The following CCN6 variants were observed in gnomAD, a reference collection of about 807,000 sequenced individuals.
The protein encoded by CCN6 is CCN family member 6.
Under a neutral mutation model 37.4 loss-of-function variants are expected in CCN6, and 31 were observed. That is an observed-to-expected ratio of 0.83 (90% CI 0.62 to 1.12). CCN6 has a LOEUF of 1.12. Among genes scored for constraint, CCN6 ranks in the 50% most tolerant of loss-of-function variants. The pLI is 0.00. For missense variants in CCN6, 369 were observed against 413.8 expected (o/e 0.89, Z 0.94); for synonymous variants, 137 against 142.1 (o/e 0.96, Z 0.26).
At position 112,061,187 on chromosome 6, in the gene CCN6, C is replaced by T; in HGVS notation, c.245C>T (p.Pro82Leu). The T allele has an allele frequency of 6.2e-7, 1 of 1,614,118 alleles. No individual in the cohort carries two copies. The highest frequency in any genetic ancestry group is 8.5e-7 in the Non-Finnish European group (1 of 1,180,020). ...CGCCKICAKQ[P>L]GEICNEADLC... is the part of the protein sequence containing the mutation. Reference sequence around the variant, plus strand: ...TGCTGTAAAATCTGTGCCAAGCAACCAGGGGAAATCTGCAATGAAGCTGAC... The same window carrying T: ...TGCTGTAAAATCTGTGCCAAGCAACTAGGGGAAATCTGCAATGAAGCTGAC... Residue 82 changes from proline (P) to leucine (L), a missense_variant, in exon 2 of 5, where the codon CCA becomes CTA. Physicochemically the swap from Pro to Leu is moderately conservative, Grantham distance 98. Transcript: ENST00000368666.
rs782020862 is a variant in CCN6, at chr6:112,068,398, G to A, written c.783G>A (p.Lys261=). The stretch of plus-strand genomic sequence containing the variant: ...ACAGCAATATATTAAAGACAATAAA[G>A]GTAAAGTTTAAATATATTTAACTTA... ...PCDSNILKTI[K]IPKGKTCQPT... is the part of the protein sequence containing the mutation. The change falls in exon 4 of 5, where the codon AAG becomes AAA. Residue 261 remains lysine (K), a splice_region_variant and synonymous_variant. Coordinates refer to ENST00000368666, the MANE Select transcript of CCN6 (RefSeq NM_198239.2). The A allele has an allele frequency of 2.5e-6, 4 of 1,605,586 alleles. No individual in the cohort carries two copies. The highest frequency in any genetic ancestry group is 3.3e-4 in the Middle Eastern group (2 of 6,038).
At position 112,054,235 on chromosome 6, in the gene CCN6, G is replaced by A; in HGVS notation, c.-123G>A. ...AAGTTGGTAGTGTGGGAGGTAGAGG[G>A]TGTGTGTTCTTGTGCAGAGGAGCGT... On this transcript the variant is annotated 5_prime_UTR_variant, in exon 1 of 5. The change creates a new upstream start codon in the 5' untranslated region. Coordinates refer to ENST00000368666, the MANE Select transcript of CCN6 (RefSeq NM_198239.2). 1 of 1,301,186 alleles carries A rather than the reference G, an allele frequency of 7.7e-7. No individual in the cohort carries two copies. Among genetic ancestry groups the A allele is most frequent in the East Asian group, 2.3e-5 (1 of 43,336 alleles). The allele number at this position is 1,301,186 out of a possible 1,614,324, so 80.6% of individuals were successfully genotyped here.
At chr6:112,054,773 C>T (rs1434727648) in intron 1 of CCN6, 27 of 246,490 alleles carry the variant, frequency 1.1e-4, no homozygotes, top group African/African-American at 5.3e-4. Flanking sequence ...CTTTCCATTG[C>T]TGTTTGCAAA....
intron 2 of CCN6, 38 bp downstream of exon 2, chr6:112,061,326 G>A: frequency 6.2e-7 from 1 of 1,613,926 alleles, no homozygotes; most frequent in Non-Finnish European, 8.5e-7. Context: ...AAAAGATTGA[G>A]TCTAGACAGA....
intron 3 of CCN6, 46 bp from the exon 4 acceptor site, chr6:112,068,159 A>C: frequency 1.4e-6 from 2 of 1,388,972 alleles, no homozygotes; most frequent in Non-Finnish European, 2.0e-6. Flanking sequence ...TATTTATACA[A>C]GTACATTTAT....
chr6:112,053,993 C>A, upstream of CCN6: 1 of 437,308 alleles, frequency 2.3e-6, no homozygotes, highest in Non-Finnish European at 4.3e-6. Context: ...CGTGGGACCC[C>A]ACCCGTTGTC....
chr6:112,055,428 C>G (rs1776318691), intron 1 of CCN6, among the ~76,000 whole-genome samples: 2 of 152,092 alleles, frequency 1.3e-5, no homozygotes, highest in African/African-American at 4.8e-5. Flanking sequence ...AAATAAACAA[C>G]AACAAACACA....
At chr6:112,060,900 G>A in intron 1 of CCN6, 91 bp from the exon 2 acceptor site, 2 of 1,466,940 alleles carry the variant, frequency 1.4e-6, no homozygotes, top group Non-Finnish European at 1.9e-6. Flanking sequence ...TCACCACTCT[G>A]TATACTACCT....
intron 3 of CCN6, among the ~76,000 whole-genome samples, chr6:112,067,649 G>A (rs1256180348): frequency 6.6e-6 from 1 of 152,100 alleles, no homozygotes; most frequent in Non-Finnish European, 1.5e-5. Context: ...CTATATAAAT[G>A]ATTAGTTTAG....
chr6:112,056,371 AT>A (rs1360806764), intron 1 of CCN6, among the ~76,000 whole-genome samples: 139 of 147,478 alleles, frequency 9.4e-4, no homozygotes, highest in South Asian at 2.8e-3. Context: ...GATTGACAGG[AT>A]TTTTTTTTTT....
chr6:112,069,469 G>C lies in CCN6; in HGVS notation c.914G>C (p.Cys305Ser). The change falls in exon 5 of 5, where the codon TGT (cysteine) becomes TCT (serine). Residue 305 changes from cysteine (C) to serine (S), a missense_variant. Cys to Ser is a moderately radical substitution (Grantham distance 112). Transcript: ENST00000368666. ...FCGICLDKRC[C>S]IPNKSKMITI... ...GGAATATGCTTGGATAAGAGATGCT[G>C]TATCCCTAATAAGTCTAAAATGATT... 6.8e-6 allele frequency: 11 copies of C among 1,613,740 alleles called. No homozygotes were observed. Among genetic ancestry groups the C allele is most frequent in the Non-Finnish European group, 9.3e-6 (11 of 1,179,860 alleles).
At chr6:112,065,610 G>GCA (rs782694395) in intron 3 of CCN6, among the ~76,000 whole-genome samples, 38,131 of 138,970 alleles carry the variant, frequency 0.27, 5,080 homozygotes, top group African/African-American at 0.34. Context: ...AAACACACAC[G>GCA]CACACACACA....
intron 3 of CCN6, among the ~76,000 whole-genome samples, chr6:112,067,451 A>G (rs868952087): frequency 1.6e-4 from 24 of 151,880 alleles, no homozygotes; most frequent in Admixed American, 1.2e-3. Flanking sequence ...TTCCCCTCCT[A>G]TTTCTCCTTA....
upstream of CCN6, among the ~76,000 whole-genome samples, chr6:112,053,183 T>C (rs1317322466): frequency 2.6e-5 from 4 of 151,794 alleles, no homozygotes; most frequent in Admixed American, 2.0e-4. Context: ...GCTGAGAACA[T>C]GGAGAAGCGA....
Position 112,060,995 on chromosome 6 carries a change from G to A in CCN6, c.53G>A (p.Cys18Tyr). The A allele has an allele frequency of 1.9e-6, 3 of 1,613,990 alleles. No homozygotes were observed. The highest frequency in any genetic ancestry group is 2.5e-6 in the Non-Finnish European group (3 of 1,180,004). Residue 18 changes from cysteine to tyrosine, a missense_variant, in exon 2 of 5, where the codon TGC becomes TAC. Transcript: ENST00000368666. ...CACCTTTATTATCAAATGAAGTTCT[G>A]CTGCAGGGTACAGGGCACTGGACCA... ...TLLLAGLAQF[C>Y]CRVQGTGPLD...
intron 1 of CCN6, among the ~76,000 whole-genome samples, chr6:112,056,632 C>A (rs1372255793): frequency 1.3e-5 from 2 of 152,174 alleles, no homozygotes; most frequent in African/African-American, 4.8e-5. Flanking sequence ...TCTCCTGTCT[C>A]AGCCTCCTGA....
intron 3 of CCN6, among the ~76,000 whole-genome samples, chr6:112,065,785 G>A (rs1776680820): frequency 6.6e-6 from 1 of 152,084 alleles, no homozygotes; most frequent in African/African-American, 2.4e-5. Flanking sequence ...TATAAACCTT[G>A]TATTCTGGTC....
Position 112,054,117 on chromosome 6 carries a change from G to A in CCN6, c.-241G>A. The A allele has an allele frequency of 1.5e-6, 1 of 678,776 alleles. No individual in the cohort carries two copies. Among genetic ancestry groups the A allele is most frequent in the South Asian group, 1.6e-5 (1 of 60,738 alleles). 42.0% of individuals were successfully genotyped at this position (678,776 alleles called of 1,614,324 possible). A position where few individuals can be genotyped will look rare whatever the true frequency, so the allele number is the denominator to read the frequency against. ...AAGTGCTCGCCCATTCCTGACCTGTGACACGCTCACTGCGAAGGCAGGTTA... is the reference window on the plus strand; with the variant it reads ...AAGTGCTCGCCCATTCCTGACCTGTAACACGCTCACTGCGAAGGCAGGTTA... On this transcript the variant is annotated 5_prime_UTR_variant, in exon 1 of 5. Coordinates refer to ENST00000368666, the MANE Select transcript of CCN6 (RefSeq NM_198239.2).
intron 2 of CCN6, among the ~76,000 whole-genome samples, chr6:112,061,911 A>G (rs368116114): frequency 6.6e-6 from 1 of 152,242 alleles, no homozygotes; most frequent in Admixed American, 6.5e-5. Context: ...AATAAAATTT[A>G]TAAGGGAAGA....
Sources: gnomAD v4.1 joint callset for allele counts (sites outside exome capture counted in the v4.1 genomes callset) on GRCh38, gnomAD v4.1.1 for gene constraint, MANE v1.5 for transcripts, NCBI Gene and HGNC (gene_info 2026-07-23, HGNC 2026-07-21) for gene names.